STK31: variants seen among roughly 807,000 people sequenced by gnomAD.
The protein encoded by STK31 is serine/threonine kinase 31.
A neutral mutation model predicts 129.7 loss-of-function variants in STK31; 89 were observed. The observed-to-expected ratio is 0.69, with a 90% CI of 0.58 to 0.82. The LOEUF (loss-of-function observed/expected upper bound fraction) is 0.82. STK31 is among the 40% of genes least tolerant of loss of function. The pLI, the probability that STK31 is intolerant of heterozygous loss-of-function variation, is 0.00. For synonymous variants in STK31, 448 were observed against 395.3 expected (o/e 1.13, Z -1.58); for missense variants, 1,187 against 1,176.4 (o/e 1.01, Z -0.13).
intron 8 of STK31, among the ~76,000 whole-genome samples, chr7:23,737,772 G>T (rs1263270072): frequency 6.6e-6 from 1 of 152,066 alleles, no homozygotes; most frequent in African/African-American, 2.4e-5. Context: ...ATCTCCACGT[G>T]TGTCTTCTTT....
intron 6 of STK31, among the ~76,000 whole-genome samples, chr7:23,734,798 C>G (rs924328593): frequency 6.6e-6 from 1 of 152,096 alleles, no homozygotes; most frequent in African/African-American, 2.4e-5. Flanking sequence ...AACCCCATCT[C>G]TACTAAAAAT....
intron 22 of STK31, among the ~76,000 whole-genome samples, chr7:23,796,002 A>T (rs1158271102): frequency 6.6e-6 from 1 of 152,230 alleles, no homozygotes; most frequent in Non-Finnish European, 1.5e-5. Flanking sequence ...TGCTTAAATG[A>T]GTTAAAACTT....
chr7:23,826,163 C>G (rs1415934184), intron 23 of STK31, among the ~76,000 whole-genome samples: 1 of 152,056 alleles, frequency 6.6e-6, no homozygotes, highest in African/African-American at 2.4e-5. Flanking sequence ...TGTTAACTTT[C>G]TGTCTTGTTG....
intron 22 of STK31, among the ~76,000 whole-genome samples, chr7:23,804,040 G>C (rs958428547): frequency 6.6e-6 from 1 of 152,046 alleles, no homozygotes; most frequent in Non-Finnish European, 1.5e-5. Context: ...TGAAGAAGTT[G>C]AATATAAAGA....
intron 23 of STK31, among the ~76,000 whole-genome samples, chr7:23,824,432 T>G (rs1235929799): frequency 1.3e-5 from 2 of 152,202 alleles, no homozygotes; most frequent in Non-Finnish European, 2.9e-5. Context: ...TGCTTGTGAT[T>G]TTTGCACATT....
At chr7:23,760,568 G>A (rs1477776171) in intron 10 of STK31, among the ~76,000 whole-genome samples, 1 of 152,128 alleles carries the variant, frequency 6.6e-6, no homozygotes, top group African/African-American at 2.4e-5. Context: ...TTTAAAATGG[G>A]CATATTTGCT....
At chr7:23,809,713 A>G (rs540218844) in intron 22 of STK31, among the ~76,000 whole-genome samples, 47 of 152,330 alleles carry the variant, frequency 3.1e-4, no homozygotes, top group African/African-American at 1.1e-3. Context: ...GGACTACATT[A>G]TCTGTTTACC....
intron 3 of STK31, among the ~76,000 whole-genome samples, chr7:23,713,795 A>G (rs975332916): frequency 2.0e-5 from 3 of 152,094 alleles, no homozygotes; most frequent in Non-Finnish European, 4.4e-5. Flanking sequence ...CTTCAGAAGG[A>G]CTTGAGGCGG....
chr7:23,782,722 T>C (rs893047014), intron 16 of STK31, among the ~76,000 whole-genome samples: 6 of 152,204 alleles, frequency 3.9e-5, no homozygotes, highest in African/African-American at 1.4e-4. Context: ...AAGTTACTTA[T>C]GTAGAGCTAT....
chr7:23,811,315 C>A, intron 22 of STK31: 1 of 421,104 alleles, frequency 2.4e-6, no homozygotes, highest in South Asian at 2.0e-5. Flanking sequence ...CAGCTTCTGC[C>A]ATAAAAGGTT....
chr7:23,763,696 T>TC lies in STK31; in HGVS notation c.1416+773_1416+774insC, dbSNP rs1562582310. On this transcript the variant is annotated intron_variant, in intron 11 of 23. Coordinates refer to ENST00000355870, the MANE Select transcript of STK31 (RefSeq NM_031414.5). ...CTCTGATAACTCTGCTGATCTCTCT[T>TC]TTAGTTCTCATTTGTCTGTTGATAC... Among the ~76,000 whole-genome samples, 636 of 152,016 alleles carry TC rather than the reference T, an allele frequency of 4.2e-3. 7 individuals are homozygous for TC. Among genetic ancestry groups the TC allele is most frequent in the African/African-American group, 0.015 (616 of 41,480 alleles).
chr7:23,805,749 T>G (rs2128122798), intron 22 of STK31, among the ~76,000 whole-genome samples: 1 of 152,314 alleles, frequency 6.6e-6, no homozygotes, highest in South Asian at 2.1e-4. Flanking sequence ...TCTGCCAACA[T>G]GGTGGGACTA....
intron 13 of STK31, among the ~76,000 whole-genome samples, chr7:23,770,436 A>T (rs1584416151): frequency 6.6e-6 from 1 of 152,152 alleles, no homozygotes; most frequent in African/African-American, 2.4e-5. Flanking sequence ...TAGTTTTGTC[A>T]GACTTGATTT....
intron 6 of STK31, 141 bp downstream of exon 6, chr7:23,729,390 TTA>T (rs1277978001): frequency 2.8e-6 from 2 of 712,878 alleles, no homozygotes. Context: ...TAGAAAGCAA[TTA>T]TATATTTATG....
chr7:23,763,003 T>TA (rs1257111343), intron 11 of STK31, 80 bp downstream of exon 11: 7 of 1,285,136 alleles, frequency 5.4e-6, no homozygotes, highest in Non-Finnish European at 7.2e-6. Flanking sequence ...CCTTAAGACT[T>TA]TAGATTGTTC....
chr7:23,727,708 G>A (rs868858935), intron 5 of STK31: 21 of 178,138 alleles, frequency 1.2e-4, no homozygotes, highest in Middle Eastern at 2.6e-3. Context: ...GATTACAGGC[G>A]CCCACCAACA....
chr7:23,743,472 C>G, intron 8 of STK31, among the ~76,000 whole-genome samples: 1 of 152,132 alleles, frequency 6.6e-6, no homozygotes. Flanking sequence ...TTCATTCTCT[C>G]CTGTAAGGAT....
intron 22 of STK31, among the ~76,000 whole-genome samples, chr7:23,799,112 A>G (rs62467265): frequency 0.037 from 5,651 of 152,282 alleles, 155 homozygotes; most frequent in Non-Finnish European, 0.054. Flanking sequence ...AAAATGGAAA[A>G]CAAATTCCAT....
chr7:23,771,976 A>C (rs180956558), intron 14 of STK31, 171 bp from the exon 15 acceptor site: 1 of 437,350 alleles, frequency 2.3e-6, no homozygotes, highest in Non-Finnish European at 3.9e-6. Context: ...AGAAACATGG[A>C]TTAAAAAGGA....
Sources: gnomAD v4.1 joint callset for allele counts (sites outside exome capture counted in the v4.1 genomes callset) on GRCh38, gnomAD v4.1.1 for gene constraint, MANE v1.5 for transcripts, NCBI Gene and HGNC (gene_info 2026-07-23, HGNC 2026-07-21) for gene names.